KIAA0825: variants seen among roughly 807,000 people sequenced by gnomAD.
The protein encoded by KIAA0825 is KIAA0825.
KIAA0825 carries 119 observed loss-of-function variants against 147.6 expected under a neutral mutation model. The observed-to-expected ratio is 0.81, with a 90% CI of 0.69 to 0.94. The LOEUF is 0.94. Ranked by LOEUF, KIAA0825 falls within the 40% of genes least tolerant of loss-of-function variation. KIAA0825 has a pLI of 0.00. For synonymous variants in KIAA0825, 470 were observed against 518.1 expected (o/e 0.91, Z 1.26); for missense variants, 1,381 against 1,472.7 (o/e 0.94, Z 1.02).
At chr5:94,533,514 A>T (rs905868219) in intron 3 of KIAA0825, among the ~76,000 whole-genome samples, 1 of 151,520 alleles carries the variant, frequency 6.6e-6, no homozygotes, top group African/African-American at 2.4e-5. Context: ...TGACTTTGTG[A>T]TCCGCCCGCC....
intron 20 of KIAA0825, among the ~76,000 whole-genome samples, chr5:94,223,410 T>C (rs569010340): frequency 2.7e-4 from 41 of 152,156 alleles, no homozygotes; most frequent in Non-Finnish European, 5.1e-4. Context: ...ATATACCTTT[T>C]TGTCAGCTCT....
intron 20 of KIAA0825, among the ~76,000 whole-genome samples, chr5:94,258,668 A>G (rs1439727840): frequency 6.6e-6 from 1 of 152,090 alleles, no homozygotes; most frequent in African/African-American, 2.4e-5. Flanking sequence ...TTTCAGAAAC[A>G]AAAGTATATG....
At position 94,386,234 on chromosome 5, in the gene KIAA0825, A is replaced by C; in HGVS notation, c.3619+8T>G. ...ACATTTAAATTAAATTTACCATTTA[A>C]TTTCCACATACCTGATCTAGCATGT... On this transcript the variant is annotated splice_region_variant and intron_variant, in intron 19 of 20. Transcript: ENST00000682413. 6.5e-7 allele frequency: 1 copy of C among 1,528,284 alleles called. No homozygotes were observed. The highest frequency in any genetic ancestry group is 8.8e-7 in the Non-Finnish European group (1 of 1,139,302). 94.7% of individuals were successfully genotyped at this position (1,528,284 alleles called of 1,614,324 possible). A position where few individuals can be genotyped will look rare whatever the true frequency, so the allele number is the denominator to read the frequency against.
intron 2 of KIAA0825, among the ~76,000 whole-genome samples, chr5:94,556,102 G>C (rs1162066076): frequency 1.3e-5 from 2 of 151,740 alleles, no homozygotes; most frequent in African/African-American, 4.8e-5. Context: ...GCCCAGGCTG[G>C]AGTGCAGTGG....
intron 15 of KIAA0825, chr5:94,415,467 T>A (rs1170852633): frequency 6.6e-6 from 1 of 152,076 alleles, no homozygotes; most frequent in East Asian, 1.9e-4. Context: ...TATTATCTTA[T>A]TAGGGTTTTT....
At chr5:94,293,772 T>G (rs1456618503) in intron 20 of KIAA0825, among the ~76,000 whole-genome samples, 1 of 152,228 alleles carries the variant, frequency 6.6e-6, no homozygotes, top group East Asian at 1.9e-4. Flanking sequence ...CTCTAAGAAC[T>G]TGCTTTATGA....
At chr5:94,496,558 T>C (rs1420979) in intron 5 of KIAA0825, among the ~76,000 whole-genome samples, 48,245 of 152,004 alleles carry the variant, frequency 0.32, 8,986 homozygotes, top group African/African-American at 0.51. Context: ...AGGGTAGATG[T>C]ACCTGATAGC....
intron 5 of KIAA0825, among the ~76,000 whole-genome samples, chr5:94,486,078 T>G (rs931259112): frequency 1.3e-5 from 2 of 151,952 alleles, no homozygotes; most frequent in African/African-American, 4.8e-5. Flanking sequence ...TCCAATTTGT[T>G]GCTTTCATTT....
chr5:94,355,888 G>A (rs773634543), intron 20 of KIAA0825, among the ~76,000 whole-genome samples: 11 of 152,226 alleles, frequency 7.2e-5, no homozygotes, highest in Non-Finnish European at 1.5e-4. Context: ...TTGCTGGGAT[G>A]AGATTTAAAT....
chr5:94,220,020 G>T (rs1483249319), intron 20 of KIAA0825, among the ~76,000 whole-genome samples: 1 of 152,002 alleles, frequency 6.6e-6, no homozygotes, highest in African/African-American at 2.4e-5. Context: ...TTAAACTTTT[G>T]ACTCTTGTAA....
At chr5:94,330,942 C>T (rs1411913880) in intron 20 of KIAA0825, among the ~76,000 whole-genome samples, 1 of 151,918 alleles carries the variant, frequency 6.6e-6, no homozygotes, top group Non-Finnish European at 1.5e-5. Flanking sequence ...CAAGAACACC[C>T]TGGCCAACAT....
chr5:94,410,725 C>A (rs1473661891), intron 15 of KIAA0825, among the ~76,000 whole-genome samples: 2 of 151,818 alleles, frequency 1.3e-5, no homozygotes, highest in African/African-American at 4.8e-5. Flanking sequence ...CGAAAAAGAA[C>A]AAAAAAATTC....
At chr5:94,466,736 CAAAAAAAAAAAAAAAAA>C (rs56785201) in intron 10 of KIAA0825, among the ~76,000 whole-genome samples, 1 of 61,376 alleles carries the variant, frequency 1.6e-5, no homozygotes, top group East Asian at 4.2e-4. Flanking sequence ...GACTGTGTCT[CAAAAAAAAAAAAAAAAA>C]AAAAAAAAGA....
At chr5:94,449,216 G>T (rs892541574) in intron 13 of KIAA0825, among the ~76,000 whole-genome samples, 1 of 152,102 alleles carries the variant, frequency 6.6e-6, no homozygotes, top group Admixed American at 6.5e-5. Context: ...GACTTAACTG[G>T]AGCAGAGAAA....
chr5:94,285,515 C>G (rs1777632371), intron 20 of KIAA0825, among the ~76,000 whole-genome samples: 1 of 151,896 alleles, frequency 6.6e-6, no homozygotes, highest in Non-Finnish European at 1.5e-5. Context: ...ACAAAATTGC[C>G]CATATTGAAT....
intron 2 of KIAA0825, among the ~76,000 whole-genome samples, chr5:94,560,839 G>A (rs1180424609): frequency 1.3e-5 from 2 of 152,110 alleles, no homozygotes; most frequent in Admixed American, 6.6e-5. Context: ...ACATGTGCGC[G>A]TGTACGCACA....
intron 3 of KIAA0825, among the ~76,000 whole-genome samples, chr5:94,529,064 G>A (rs1769988071): frequency 6.6e-6 from 1 of 151,460 alleles, no homozygotes; most frequent in Non-Finnish European, 1.5e-5. Context: ...CAATTGTCCT[G>A]ATTAAATCAA....
chr5:94,607,819 T>C lies in KIAA0825; in HGVS notation c.-153+10681A>G, dbSNP rs575113638. On this transcript the variant is annotated intron_variant, in intron 1 of 20. Coordinates refer to ENST00000682413, the MANE Select transcript of KIAA0825 (RefSeq NM_001145678.3). ...CCTTTTTGGAGATTTTGGGGATAAA[T>C]CATTGTTTCTTTTGCATGTTCCAGC... Among the ~76,000 whole-genome samples, 355 of 152,268 alleles carry C rather than the reference T, an allele frequency of 2.3e-3. 4 individuals carry two copies. Among genetic ancestry groups the C allele is most frequent in the African/African-American group, 7.9e-3 (330 of 41,552 alleles).
At chr5:94,238,636 T>C (rs1017580114) in intron 20 of KIAA0825, among the ~76,000 whole-genome samples, 4 of 152,182 alleles carry the variant, frequency 2.6e-5, no homozygotes, top group Admixed American at 6.5e-5. Flanking sequence ...TTTTTAACAA[T>C]CCATATTACT....
Sources: allele counts gnomAD v4.1 joint callset (sites outside exome capture counted in the v4.1 genomes callset), GRCh38; gene constraint gnomAD v4.1.1; transcripts MANE v1.5; gene names NCBI Gene and HGNC (gene_info 2026-07-23, HGNC 2026-07-21).